WDR27: variants seen among roughly 807,000 people sequenced by gnomAD.
The protein encoded by WDR27 is WD repeat domain 27, also known as WD repeat-containing protein 27.
A neutral mutation model predicts 114.4 loss-of-function variants in WDR27; 100 were observed. That is an observed-to-expected ratio of 0.87 (90% CI 0.74 to 1.03). The LOEUF is 1.03. Among genes scored for constraint, WDR27 ranks in the 50% least tolerant of loss-of-function variants. WDR27 has a pLI of 0.00. For synonymous variants in WDR27, 449 were observed against 423.1 expected (o/e 1.06, Z -0.75); for missense variants, 1,129 against 1,092.9 (o/e 1.03, Z -0.47).
rs1477821793 is a variant in WDR27 at position 169,659,963 on chromosome 6, G to A, written c.1130-445C>T. Among the ~76,000 whole-genome samples, 3 of 151,960 alleles carry A rather than the reference G, an allele frequency of 2.0e-5. No homozygotes were observed. Among genetic ancestry groups the A allele is most frequent in the African/African-American group, 7.3e-5 (3 of 41,374 alleles). The stretch of plus-strand genomic sequence containing the variant: ...GGCGGCTGAAGGGAAGGGCGTGTGT[G>A]AAGACACAGATGCATCCCACAGCCC... On this transcript the variant is annotated intron_variant, in intron 10 of 25. Transcript: ENST00000448612. This position sits in a 1 kb window ranked among gnomAD's most constrained non-coding sequence, Gnocchi z 4.3.
intron 21 of WDR27, among the ~76,000 whole-genome samples, chr6:169,615,854 A>G (rs971841216): frequency 1.3e-5 from 2 of 152,132 alleles, no homozygotes; most frequent in Non-Finnish European, 2.9e-5. Flanking sequence ...AACCTACAGA[A>G]TGGGAGAAAA....
At chr6:169,484,099 C>T (rs534905178) in intron 25 of WDR27, among the ~76,000 whole-genome samples, 28 of 152,214 alleles carry the variant, frequency 1.8e-4, no homozygotes, top group African/African-American at 6.7e-4. Context: ...GAAGCATTCC[C>T]CTTGAAAACT....
intron 25 of WDR27, among the ~76,000 whole-genome samples, chr6:169,563,970 G>T (rs73790014): frequency 0.016 from 2,467 of 152,256 alleles, 64 homozygotes; most frequent in African/African-American, 0.057. Flanking sequence ...TATATGGAGG[G>T]GAGTTTATTA....
At chr6:169,443,489 A>G in the WDR27 span, among the ~76,000 whole-genome samples, 1 of 152,214 alleles carries the variant, frequency 6.6e-6, no homozygotes, top group Non-Finnish European at 1.5e-5. Flanking sequence ...TTATTTTTGG[A>G]TAACTGTAAG....
At chr6:169,573,932 G>A (rs891436298) in intron 24 of WDR27, among the ~76,000 whole-genome samples, 4 of 152,208 alleles carry the variant, frequency 2.6e-5, no homozygotes. Flanking sequence ...AGTCTTGCTT[G>A]GCTACCATCT....
intron 21 of WDR27, among the ~76,000 whole-genome samples, chr6:169,614,650 T>G (rs1811368614): frequency 1.3e-5 from 2 of 150,124 alleles, no homozygotes; most frequent in African/African-American, 4.9e-5. Context: ...ATCACACCAC[T>G]GCACTCCAGC....
intron 2 of WDR27, among the ~76,000 whole-genome samples, chr6:169,679,243 G>A (rs1055010916): frequency 4.6e-5 from 7 of 152,152 alleles, no homozygotes; most frequent in South Asian, 2.1e-4. Context: ...TTGGGCACAC[G>A]TTCTCAGGAC....
At chr6:169,542,856 A>G (rs535819495) in intron 25 of WDR27, among the ~76,000 whole-genome samples, 12 of 152,232 alleles carry the variant, frequency 7.9e-5, no homozygotes, top group African/African-American at 2.6e-4. Context: ...GCCATATTTT[A>G]AATAAAGTAA....
intron 21 of WDR27, among the ~76,000 whole-genome samples, chr6:169,621,523 CAT>C (rs1290296876): frequency 6.7e-6 from 1 of 148,952 alleles, no homozygotes; most frequent in African/African-American, 2.6e-5. Flanking sequence ...CACACATATA[CAT>C]ACACACACAC....
the WDR27 span, among the ~76,000 whole-genome samples, chr6:169,447,338 T>A: frequency 6.6e-6 from 1 of 152,210 alleles, no homozygotes; most frequent in East Asian, 1.9e-4. Context: ...CCTCAACAAA[T>A]CTTTTATAAA....
At chr6:169,568,073 C>T (rs1286364951) in intron 25 of WDR27, among the ~76,000 whole-genome samples, 1 of 152,082 alleles carries the variant, frequency 6.6e-6, no homozygotes. Context: ...GTCAGCTCCA[C>T]CAGGAAGAGC....
chr6:169,508,465 TA>T (rs1792302788), intron 25 of WDR27, among the ~76,000 whole-genome samples: 1 of 152,186 alleles, frequency 6.6e-6, no homozygotes, highest in Non-Finnish European at 1.5e-5. Context: ...AAATTATTTT[TA>T]ATTTCTTTTT....
Position 169,668,193 on chromosome 6 carries a change from A to C in WDR27, c.457-8T>G. 6.2e-7 allele frequency: 1 copy of C among 1,613,788 alleles called. No individual in the cohort carries two copies. The highest frequency in any genetic ancestry group is 8.5e-7 in the Non-Finnish European group (1 of 1,179,732). On this transcript the variant is annotated splice_region_variant and splice_polypyrimidine_tract_variant and intron_variant, in intron 4 of 25. Transcript: ENST00000448612. ...TGTCACAGAAAATCGCTGCTATTAA[A>C]ATAAAGCCCAAATTATTCCTCTGTT...
At chr6:169,427,804 A>C in the WDR27 span, among the ~76,000 whole-genome samples, 1 of 124,712 alleles carries the variant, frequency 8.0e-6, no homozygotes, top group Non-Finnish European at 1.8e-5. Flanking sequence ...AAGACAAACA[A>C]CAACCAAAAA....
downstream of WDR27, among the ~76,000 whole-genome samples, chr6:169,456,342 C>T (rs939660633): frequency 6.6e-6 from 1 of 152,134 alleles, no homozygotes; most frequent in African/African-American, 2.4e-5. The surrounding 1 kb of genome is among the most constrained non-coding windows in gnomAD (Gnocchi z 4.0). Flanking sequence ...CAGCACACTG[C>T]GTCTCTTGTG....
chr6:169,535,771 G>C (rs576881644), intron 25 of WDR27, among the ~76,000 whole-genome samples: 1 of 152,292 alleles, frequency 6.6e-6, no homozygotes, highest in South Asian at 2.1e-4. Context: ...CAACAAAGGA[G>C]GTTCAAGATG....
At chr6:169,457,973 C>A (rs1006782668) in intron 25 of WDR27, among the ~76,000 whole-genome samples, 7 of 111,740 alleles carry the variant, frequency 6.3e-5, no homozygotes, top group South Asian at 3.2e-4. Context: ...GCACTCCTGA[C>A]GGAGGAGGAG....
chr6:169,649,069 TGTG>T, intron 15 of WDR27, 126 bp downstream of exon 15: 1 of 656,298 alleles, frequency 1.5e-6, no homozygotes. Flanking sequence ...TATACATATC[TGTG>T]TACATATGTG....
intron 25 of WDR27, among the ~76,000 whole-genome samples, chr6:169,461,582 C>CA (rs1449722816): frequency 6.8e-6 from 1 of 146,096 alleles, no homozygotes; most frequent in Non-Finnish European, 1.5e-5. Context: ...ACACACCATG[C>CA]AAAAAATCTG....
Sources: gnomAD v4.1 joint callset for allele counts (sites outside exome capture counted in the v4.1 genomes callset) on GRCh38, gnomAD v4.1.1 for gene constraint, Gnocchi (gnomAD v3.1) non-coding constraint, MANE v1.5 for transcripts, NCBI Gene and HGNC (gene_info 2026-07-23, HGNC 2026-07-21) for gene names.